The following CDH4 variants were observed in gnomAD, a reference collection of about 807,000 sequenced individuals.
CDH4 encodes cadherin 4, also known as cadherin-4.
CDH4 carries 33 observed loss-of-function variants against 86.0 expected under a neutral mutation model. The ratio of observed to expected loss-of-function variants is 0.38; its 90% CI spans 0.29 to 0.51. The LOEUF (loss-of-function observed/expected upper bound fraction) is 0.51. Among genes scored for constraint, CDH4 ranks in the 20% least tolerant of loss-of-function variants. The probability of loss-of-function intolerance (pLI) is 0.86; values close to 1 mark genes in which losing one functional copy is unlikely to be tolerated. For missense variants in CDH4, 1,114 were observed against 1,307.4 expected, an observed-to-expected ratio of 0.85 and a Z score of 2.28; for synonymous variants, 555 against 549.4, an observed-to-expected ratio of 1.01 and a Z score of -0.14.
intron 4 of CDH4, among the ~76,000 whole-genome samples, chr20:61,816,696 GGC>G (rs1248453077): frequency 6.6e-6 from 1 of 151,746 alleles, no homozygotes; most frequent in African/African-American, 2.4e-5. Context: ...AATGGGGGGG[GGC>G]GGTTTGTGGG....
chr20:61,254,221 G>A (rs1462670313), intron 1 of CDH4, among the ~76,000 whole-genome samples: 6 of 152,212 alleles, frequency 3.9e-5, no homozygotes, highest in Non-Finnish European at 2.9e-5. Flanking sequence ...AAGACTAGAA[G>A]GTGGAAGCGC....
At chr20:61,778,446 T>C (rs900607905) in intron 4 of CDH4, among the ~76,000 whole-genome samples, 8 of 152,140 alleles carry the variant, frequency 5.3e-5, no homozygotes, top group African/African-American at 1.7e-4. Flanking sequence ...TTGGAAGGAA[T>C]ATCACGTCTC....
At chr20:61,858,325 C>CTGTCTGTGTCTGTG (rs140028683) in intron 6 of CDH4, among the ~76,000 whole-genome samples, 107,250 of 145,434 alleles carry the variant, frequency 0.74, 40,442 homozygotes, top group South Asian at 0.85. Context: ...GTGTCTGTGT[C>CTGTCTGTGTCTGTG]TGTCTGTGTC....
At chr20:61,387,261 T>C (rs2084956582) in intron 2 of CDH4, among the ~76,000 whole-genome samples, 2 of 146,728 alleles carry the variant, frequency 1.4e-5, no homozygotes, top group South Asian at 4.4e-4. Context: ...GAGGCACACA[T>C]ACAGCCACAC....
At chr20:61,728,103 A>G (rs987191798) in intron 2 of CDH4, among the ~76,000 whole-genome samples, 1 of 152,162 alleles carries the variant, frequency 6.6e-6, no homozygotes, top group African/African-American at 2.4e-5. Flanking sequence ...CACCTACCCT[A>G]GGAGGATCCA....
chr20:61,403,510 T>G (rs1600945101), intron 2 of CDH4, among the ~76,000 whole-genome samples: 1 of 152,096 alleles, frequency 6.6e-6, no homozygotes, highest in Non-Finnish European at 1.5e-5. Context: ...AGTGGCCACT[T>G]TGTGGGCCCT....
At chr20:61,569,254 C>G (rs570986870) in intron 2 of CDH4, among the ~76,000 whole-genome samples, 90 of 152,356 alleles carry the variant, frequency 5.9e-4, no homozygotes, top group African/African-American at 1.7e-3. Flanking sequence ...GAACACTGCA[C>G]TGCACATAGT....
chr20:61,400,027 C>G (rs1310293285), intron 2 of CDH4, among the ~76,000 whole-genome samples: 2 of 152,170 alleles, frequency 1.3e-5, no homozygotes, highest in African/African-American at 4.8e-5. Context: ...CAAACCAGTC[C>G]CCCTTACAGC....
intron 3 of CDH4, among the ~76,000 whole-genome samples, chr20:61,767,930 G>GC (rs2088719620): frequency 6.6e-6 from 1 of 152,320 alleles, no homozygotes; most frequent in South Asian, 2.1e-4. Flanking sequence ...CCGGGAAGCT[G>GC]CCCCCTCATG....
At chr20:61,611,880 C>G (rs2086688094) in intron 2 of CDH4, among the ~76,000 whole-genome samples, 1 of 152,070 alleles carries the variant, frequency 6.6e-6, no homozygotes, top group Non-Finnish European at 1.5e-5. Flanking sequence ...AATCTGGAGG[C>G]TCCTGCAGAG....
intron 2 of CDH4, among the ~76,000 whole-genome samples, chr20:61,595,267 C>T (rs1055030601): frequency 1.3e-5 from 2 of 152,266 alleles, no homozygotes; most frequent in Non-Finnish European, 2.9e-5. Context: ...CTGCTGTGAC[C>T]TGTGGGCGGG....
Position 61,393,901 on chromosome 20 carries a change from T to C in CDH4, c.169+138964T>C, listed in dbSNP as rs1009746877. ...TCTGTAACGCCCCTGGAAAAGAGTG[T>C]GCACTTAATGTTACCATTAACATCA... On this transcript the variant is annotated intron_variant, in intron 2 of 15. Transcript: ENST00000614565. The surrounding 1 kb of genome is among the most constrained non-coding windows in gnomAD (Gnocchi z 4.3). Among the ~76,000 whole-genome samples the C allele has an allele frequency of 6.6e-6, 1 of 152,120 alleles. No individual in the cohort carries two copies. The highest frequency in any genetic ancestry group is 6.5e-5 in the Admixed American group (1 of 15,268).
At chr20:61,900,099 G>C (rs1010839192) in intron 8 of CDH4, among the ~76,000 whole-genome samples, 1 of 151,478 alleles carries the variant, frequency 6.6e-6, no homozygotes, top group Admixed American at 6.5e-5. Flanking sequence ...CAGGCTACTG[G>C]CCAGCCTCAG....
At chr20:61,839,398 T>C (rs1982035090) in intron 4 of CDH4, among the ~76,000 whole-genome samples, 1 of 151,826 alleles carries the variant, frequency 6.6e-6, no homozygotes, top group Admixed American at 6.6e-5. Context: ...TGTGTATTTG[T>C]GTTGTGTGCA....
At chr20:61,524,700 G>A (rs2085897710) in intron 2 of CDH4, among the ~76,000 whole-genome samples, 1 of 152,112 alleles carries the variant, frequency 6.6e-6, no homozygotes. Context: ...GCCCAGGCTG[G>A]TCTCGAACTC....
chr20:61,276,472 G>A (rs2084232552), intron 2 of CDH4, among the ~76,000 whole-genome samples: 1 of 152,182 alleles, frequency 6.6e-6, no homozygotes, highest in Admixed American at 6.5e-5. Flanking sequence ...TGTTTACCTG[G>A]GGTTGTGAGA....
intron 2 of CDH4, among the ~76,000 whole-genome samples, chr20:61,474,438 G>A (rs2085523802): frequency 6.6e-6 from 1 of 150,906 alleles, no homozygotes; most frequent in South Asian, 2.1e-4. Context: ...GCCTCCCAAA[G>A]TGCTGGGATT....
In CDH4 at chr20:61,383,160, TA is replaced by T. The variant is rs1568822173; in HGVS notation, c.169+128224del. ...TATATATGAATATATATGAATATAT[TA>T]TATATATGAATATATTTATGAATAT... On this transcript the variant is annotated intron_variant, in intron 2 of 15. Transcript: ENST00000614565. Among the ~76,000 whole-genome samples, 2 of 103,624 alleles carry T rather than the reference TA, an allele frequency of 1.9e-5. 1 individual carries two copies. Among genetic ancestry groups the T allele is most frequent in the African/African-American group, 8.6e-5 (2 of 23,180 alleles). 68.0% of individuals were successfully genotyped at this position (103,624 alleles called of 152,430 possible).
intron 2 of CDH4, among the ~76,000 whole-genome samples, chr20:61,415,932 T>G (rs1345149499): frequency 6.6e-6 from 1 of 151,946 alleles, no homozygotes; most frequent in Non-Finnish European, 1.5e-5. Context: ...ACTTCTGGCC[T>G]CAAATGATCC....
Sources: gnomAD v4.1 joint callset for allele counts (sites outside exome capture counted in the v4.1 genomes callset) on GRCh38, gnomAD v4.1.1 for gene constraint, Gnocchi (gnomAD v3.1) non-coding constraint, MANE v1.5 for transcripts, NCBI Gene and HGNC (gene_info 2026-07-23, HGNC 2026-07-21) for gene names.